The following DPYD variants were observed in gnomAD, a reference collection of about 807,000 sequenced individuals.
DPYD encodes dihydropyrimidine dehydrogenase [NADP(+)].
DPYD carries 109 observed loss-of-function variants against 116.2 expected under a neutral mutation model. The observed-to-expected ratio is 0.94, with a 90% CI of 0.80 to 1.10. The LOEUF (loss-of-function observed/expected upper bound fraction) is 1.10, where lower values mean the gene tolerates loss of function less well. DPYD is among the 50% of genes least tolerant of loss of function. The pLI, the probability that DPYD is intolerant of heterozygous loss-of-function variation, is 0.00. For synonymous variants in DPYD, 440 were observed against 432.0 expected, an observed-to-expected ratio of 1.02 and a Z score of -0.23; for missense variants, 1,302 against 1,254.5, an observed-to-expected ratio of 1.04 and a Z score of -0.57.
chr1:97,440,939 T>C (rs1675758548), intron 14 of DPYD, among the ~76,000 whole-genome samples: 1 of 152,212 alleles, frequency 6.6e-6, no homozygotes, highest in African/African-American at 2.4e-5. Flanking sequence ...TTAAAAGGTA[T>C]GTGGCTGGAT....
At chr1:97,221,401 T>G (rs1022015103) in intron 19 of DPYD, among the ~76,000 whole-genome samples, 10 of 132,672 alleles carry the variant, frequency 7.5e-5, no homozygotes, top group African/African-American at 2.4e-4. Context: ...AATTACAAAC[T>G]GTGAATATGC....
intron 3 of DPYD, among the ~76,000 whole-genome samples, chr1:97,761,708 T>C (rs1451701006): frequency 2.0e-5 from 3 of 152,170 alleles, no homozygotes; most frequent in Admixed American, 6.6e-5. Flanking sequence ...CAACTATGCA[T>C]ATGTTCACTG....
At chr1:97,205,845 C>T (rs1409000110) in intron 19 of DPYD, among the ~76,000 whole-genome samples, 3 of 151,996 alleles carry the variant, frequency 2.0e-5, no homozygotes, top group African/African-American at 7.2e-5. Context: ...CATTTCTTTC[C>T]TCTAACCCTT....
intron 12 of DPYD, among the ~76,000 whole-genome samples, chr1:97,530,204 CTTTTTTT>C (rs60749588): frequency 8.8e-5 from 12 of 135,908 alleles, no homozygotes; most frequent in African/African-American, 3.3e-4. Flanking sequence ...ATCAGAATTT[CTTTTTTT>C]TTCTTTTTTT....
intron 8 of DPYD, among the ~76,000 whole-genome samples, chr1:97,612,730 G>A (rs1237610655): frequency 2.0e-5 from 3 of 151,928 alleles, no homozygotes; most frequent in Non-Finnish European, 4.4e-5. Flanking sequence ...TATGCAAAAT[G>A]TCTTCCAAAA....
chr1:97,589,432 T>C (rs932368935), intron 10 of DPYD, among the ~76,000 whole-genome samples: 24 of 152,200 alleles, frequency 1.6e-4, no homozygotes, highest in African/African-American at 5.5e-4. Flanking sequence ...GTGGCTCTTA[T>C]CTTTTTGCTC....
intron 5 of DPYD, among the ~76,000 whole-genome samples, chr1:97,716,914 A>C (rs1425622632): frequency 6.6e-6 from 1 of 152,048 alleles, no homozygotes; most frequent in Non-Finnish European, 1.5e-5. Flanking sequence ...TTACATGAAA[A>C]AATTCAATTT....
chr1:97,611,763 G>T (rs1655966171), intron 8 of DPYD, among the ~76,000 whole-genome samples: 1 of 151,868 alleles, frequency 6.6e-6, no homozygotes, highest in Admixed American at 6.6e-5. Flanking sequence ...TGCAAAACAA[G>T]AATAAGATCC....
At chr1:97,207,920 C>T (rs1242622423) in intron 19 of DPYD, among the ~76,000 whole-genome samples, 1 of 152,088 alleles carries the variant, frequency 6.6e-6, no homozygotes, top group Admixed American at 6.6e-5. Flanking sequence ...AACACTTCAT[C>T]AAATTACTTT....
At chr1:97,453,766 C>T (rs1570758224) in intron 13 of DPYD, among the ~76,000 whole-genome samples, 1 of 152,018 alleles carries the variant, frequency 6.6e-6, no homozygotes, top group African/African-American at 2.4e-5. Flanking sequence ...GTTTATTTTT[C>T]TCTTCTACGA....
intron 14 of DPYD, among the ~76,000 whole-genome samples, chr1:97,425,353 G>A (rs1446861421): frequency 2.0e-5 from 3 of 151,942 alleles, no homozygotes; most frequent in African/African-American, 7.2e-5. Flanking sequence ...AGCAAATCGA[G>A]ATATTTCAGC....
chr1:97,426,172 T>G (rs891548037), intron 14 of DPYD, among the ~76,000 whole-genome samples: 3 of 151,704 alleles, frequency 2.0e-5, no homozygotes, highest in African/African-American at 4.8e-5. Flanking sequence ...AGGCAAGAGG[T>G]CATGAAATTG....
intron 8 of DPYD, among the ~76,000 whole-genome samples, chr1:97,649,711 G>T (rs569531454): frequency 6.6e-6 from 1 of 151,914 alleles, no homozygotes; most frequent in Non-Finnish European, 1.5e-5. Context: ...ATTAAGACTC[G>T]CATATTTGAA....
chr1:97,628,942 C>T (rs899854721), intron 8 of DPYD, among the ~76,000 whole-genome samples: 9 of 151,992 alleles, frequency 5.9e-5, no homozygotes, highest in Non-Finnish European at 1.3e-4. Flanking sequence ...CCAGCCTCTA[C>T]ATGCTAAATA....
chr1:97,465,238 C>G (rs924658451), intron 13 of DPYD, among the ~76,000 whole-genome samples: 2 of 152,184 alleles, frequency 1.3e-5, no homozygotes, highest in African/African-American at 4.8e-5. Flanking sequence ...TAGGAAGTAA[C>G]TAACTTTCTT....
chr1:97,808,312 C>T (rs762788739), intron 3 of DPYD, among the ~76,000 whole-genome samples: 87 of 152,102 alleles, frequency 5.7e-4, no homozygotes, highest in Non-Finnish European at 1.1e-3. Context: ...TAGATTTCCT[C>T]ATATAGATTT....
intron 20 of DPYD, among the ~76,000 whole-genome samples, chr1:97,129,123 G>C (rs1570509058): frequency 6.7e-6 from 1 of 149,264 alleles, no homozygotes; most frequent in African/African-American, 2.5e-5. Flanking sequence ...GGAGTGCAAT[G>C]GCATGATTTT....
At chr1:97,384,250 A>AAG (rs1304066924) in intron 14 of DPYD, among the ~76,000 whole-genome samples, 1 of 151,708 alleles carries the variant, frequency 6.6e-6, no homozygotes, top group Non-Finnish European at 1.5e-5. Context: ...CTTTGAGAAA[A>AAG]AAAAAAAAAA....
Position 97,527,485 on chromosome 1 carries a change from C to T in DPYD, c.1525-11544G>A, listed in dbSNP as rs1649234598. ...ATGGTTTGATTGAACACACAGAGTA[C>T]ATATACACACACATTGAAAAATCTT... On this transcript the variant is annotated intron_variant, in intron 12 of 22. Coordinates refer to ENST00000370192, the MANE Select transcript of DPYD (RefSeq NM_000110.4). Among the ~76,000 whole-genome samples the T allele has an allele frequency of 2.0e-5, 3 of 152,118 alleles. No homozygotes were observed. In the South Asian group the frequency reaches 6.2e-4, roughly 31 times the overall value.
Sources: gnomAD v4.1 joint callset for allele counts (sites outside exome capture counted in the v4.1 genomes callset) on GRCh38, gnomAD v4.1.1 for gene constraint, MANE v1.5 for transcripts, NCBI Gene and HGNC (gene_info 2026-07-23, HGNC 2026-07-21) for gene names.